Variants in SLIT2 observed in about 807,000 individuals in gnomAD.
The protein encoded by SLIT2 is slit guidance ligand 2.
SLIT2 carries 41 observed loss-of-function variants against 185.7 expected under a neutral mutation model. The ratio of observed to expected loss-of-function variants is 0.22; its 90% CI spans 0.17 to 0.29. The LOEUF (loss-of-function observed/expected upper bound fraction) is 0.29. SLIT2 is among the 10% of genes least tolerant of loss of function. The pLI is 1.00. For missense variants in SLIT2, 1,571 were observed against 1,909.0 expected, an observed-to-expected ratio of 0.82 and a Z score of 3.30; for synonymous variants, 693 against 680.2, an observed-to-expected ratio of 1.02 and a Z score of -0.29.
intron 4 of SLIT2, among the ~76,000 whole-genome samples, chr4:20,283,120 G>GCACGCACA (rs1553871944): frequency 6.7e-6 from 1 of 149,850 alleles, no homozygotes; most frequent in Non-Finnish European, 1.5e-5. Context: ...GTGCGCGCGC[G>GCACGCACA]CACACACACA....
intron 34 of SLIT2, chr4:20,615,608 C>A (rs573216578): frequency 4.6e-5 from 7 of 152,326 alleles, no homozygotes; most frequent in Non-Finnish European, 5.9e-5. Flanking sequence ...TCCAAGTGCA[C>A]GCAGAACCAG....
chr4:20,535,795 C>T (rs778831494), intron 18 of SLIT2, among the ~76,000 whole-genome samples: 10 of 152,126 alleles, frequency 6.6e-5, no homozygotes, highest in South Asian at 2.1e-4. Flanking sequence ...GATGGCAGTC[C>T]GTCAGGATGG....
intron 1 of SLIT2, among the ~76,000 whole-genome samples, chr4:20,256,049 A>G (rs1302681329): frequency 6.6e-6 from 1 of 152,184 alleles, no homozygotes; most frequent in Non-Finnish European, 1.5e-5. Flanking sequence ...TGCCCCTGTT[A>G]GTAGTTTTCA....
At chr4:20,394,493 T>C (rs1290201410) in intron 4 of SLIT2, 3 of 151,982 alleles carry the variant, frequency 2.0e-5, no homozygotes, top group Non-Finnish European at 2.9e-5. Flanking sequence ...CCTACTAATC[T>C]TGTCTATTCA....
In SLIT2 at chr4:20,484,940, G is replaced by A. The variant is rs762643127; in HGVS notation, c.540-1260G>A. On this transcript the variant is annotated intron_variant, in intron 6 of 36. Transcript: ENST00000504154. This position sits in a 1 kb window ranked among gnomAD's most constrained non-coding sequence, Gnocchi z 4.3. ...TGCCCATCATTGTATATTTTTGCAC[G>A]TGGCCTGCTTCGCTCATTTCTGTTC... Among the ~76,000 whole-genome samples the A allele has an allele frequency of 5.9e-5, 9 of 152,074 alleles. No homozygotes were observed. The highest frequency in any genetic ancestry group is 7.4e-5 in the Non-Finnish European group (5 of 67,986).
Position 20,425,952 on chromosome 4 carries a change from A to G in SLIT2, c.396-41800A>G, listed in dbSNP as rs188484789. Among the ~76,000 whole-genome samples, 316 of 152,214 alleles carry G rather than the reference A, an allele frequency of 2.1e-3. 1 individual carries two copies. Among genetic ancestry groups the G allele is most frequent in the Non-Finnish European group, 3.8e-3 (261 of 68,022 alleles). On this transcript the variant is annotated intron_variant, in intron 4 of 36. Coordinates refer to ENST00000504154, the MANE Select transcript of SLIT2 (RefSeq NM_004787.4). Reference sequence around the variant, plus strand: ...GAGTTTTTCAAGACTCTTCTGTGCTATCCCTGACAATTCAGTTTGGGATTT... The same window carrying G: ...GAGTTTTTCAAGACTCTTCTGTGCTGTCCCTGACAATTCAGTTTGGGATTT...
At chr4:20,381,783 AT>A (rs1724536826) in intron 4 of SLIT2, among the ~76,000 whole-genome samples, 1 of 152,092 alleles carries the variant, frequency 6.6e-6, no homozygotes, top group Admixed American at 6.6e-5. Flanking sequence ...GTCTACACAG[AT>A]TTTTTTAGAA....
intron 4 of SLIT2, among the ~76,000 whole-genome samples, chr4:20,413,846 T>C (rs758700247): frequency 2.0e-5 from 3 of 152,022 alleles, no homozygotes; most frequent in African/African-American, 4.8e-5. Flanking sequence ...TATATCATGT[T>C]TTTGTTTTGT....
intron 9 of SLIT2, among the ~76,000 whole-genome samples, chr4:20,492,708 G>A (rs887600738): frequency 1.3e-5 from 2 of 152,014 alleles, no homozygotes; most frequent in Admixed American, 1.3e-4. Context: ...AAATTATCTT[G>A]GATTTTTGGT....
intron 29 of SLIT2, among the ~76,000 whole-genome samples, chr4:20,585,835 C>T (rs1727013956): frequency 6.6e-6 from 1 of 152,092 alleles, no homozygotes; most frequent in Non-Finnish European, 1.5e-5. Flanking sequence ...TATTATTTTT[C>T]CACTAACTCA....
At chr4:20,361,463 C>T (rs960744307) in intron 4 of SLIT2, among the ~76,000 whole-genome samples, 4 of 152,260 alleles carry the variant, frequency 2.6e-5, no homozygotes, top group African/African-American at 7.2e-5. Context: ...AGATTGTACA[C>T]ATCACTTCAT....
At chr4:20,503,591 G>T (rs1391208559) in intron 9 of SLIT2, among the ~76,000 whole-genome samples, 1 of 152,020 alleles carries the variant, frequency 6.6e-6, no homozygotes, top group East Asian at 1.9e-4. Context: ...ACACCATTTG[G>T]TTGCATCTAT....
At chr4:20,482,004 T>C (rs1716751474) in intron 6 of SLIT2, among the ~76,000 whole-genome samples, 1 of 152,046 alleles carries the variant, frequency 6.6e-6, no homozygotes, top group Admixed American at 6.6e-5. Context: ...GCTTATCATA[T>C]ACATTTTAGC....
chr4:20,432,971 C>G (rs1321922005), intron 4 of SLIT2, among the ~76,000 whole-genome samples: 1 of 152,132 alleles, frequency 6.6e-6, no homozygotes, highest in African/African-American at 2.4e-5. Context: ...TTCATAGCCA[C>G]ATTACATTCT....
intron 4 of SLIT2, among the ~76,000 whole-genome samples, chr4:20,402,666 T>A (rs916114431): frequency 6.6e-6 from 1 of 151,906 alleles, no homozygotes; most frequent in Admixed American, 6.6e-5. Flanking sequence ...TTTGTTTCCT[T>A]TATCACATTT....
At position 20,254,280 on chromosome 4, in the gene SLIT2, G is replaced by T. The variant is rs1479313820; in HGVS notation, c.179+286G>T. 6.6e-6 allele frequency among the ~76,000 whole-genome samples: 1 copy of T among 152,200 alleles called. No individual in the cohort carries two copies. The highest frequency in any genetic ancestry group is 1.9e-4 in the East Asian group (1 of 5,182). ...GTTCTCTGGGGCTGGGGAGCGGGTAGATAGGGGACAAGTACTGGAGGATGC... is the reference window on the plus strand; with the variant it reads ...GTTCTCTGGGGCTGGGGAGCGGGTATATAGGGGACAAGTACTGGAGGATGC... On this transcript the variant is annotated intron_variant, in intron 1 of 36. Transcript: ENST00000504154. This position sits in a 1 kb window ranked among gnomAD's most constrained non-coding sequence, Gnocchi z 5.1.
intron 4 of SLIT2, among the ~76,000 whole-genome samples, chr4:20,362,931 T>C (rs1577503561): frequency 7.0e-6 from 1 of 142,706 alleles, no homozygotes; most frequent in African/African-American, 2.5e-5. Flanking sequence ...ATGAAATTTT[T>C]TTTTTTAAAA....
chr4:20,472,042 A>G (rs1480558202), intron 5 of SLIT2, among the ~76,000 whole-genome samples: 2 of 151,438 alleles, frequency 1.3e-5, no homozygotes, highest in African/African-American at 2.4e-5. Context: ...GAAAATATCA[A>G]CTAAATTATA....
intron 4 of SLIT2, among the ~76,000 whole-genome samples, chr4:20,424,458 ATCTCATACAATAAAATTTCACATG>A (rs1728394851): frequency 1.3e-5 from 2 of 152,114 alleles, no homozygotes; most frequent in Non-Finnish European, 2.9e-5. Flanking sequence ...ATGTTATAAC[ATCTCATACAATAAAATTTCACATG>A]TATGGGTTTT....
Sources: allele counts gnomAD v4.1 joint callset (sites outside exome capture counted in the v4.1 genomes callset), GRCh38; gene constraint gnomAD v4.1.1; non-coding constraint Gnocchi (gnomAD v3.1); transcripts MANE v1.5; gene names NCBI Gene and HGNC (gene_info 2026-07-23, HGNC 2026-07-21).